TENM1: variants seen among roughly 807,000 people sequenced by gnomAD.
TENM1 encodes the protein teneurin transmembrane protein 1, also known as teneurin-1.
Under a neutral mutation model 174.8 loss-of-function variants are expected in TENM1, and 35 were observed. The observed-to-expected ratio is 0.20, with a 90% CI of 0.15 to 0.27. The LOEUF (loss-of-function observed/expected upper bound fraction) is 0.27. Ranked by LOEUF, TENM1 falls within the 10% of genes least tolerant of loss-of-function variation. The probability of loss-of-function intolerance (pLI) is 1.00; values close to 1 mark genes in which losing one functional copy is unlikely to be tolerated. For synonymous variants in TENM1, 781 were observed against 798.7 expected, an observed-to-expected ratio of 0.98 and a Z score of 0.37; for missense variants, 1,633 against 2,130.1, an observed-to-expected ratio of 0.77 and a Z score of 4.59.
chrX:124,379,197 G>A (rs2060130862), exon 32 of TENM1: 1 of 111,874 alleles, frequency 8.9e-6, no homozygotes, highest in Non-Finnish European at 1.9e-5. Flanking sequence ...AACCCGTCCT[G>A]GAAAATAGTT....
intron 3 of TENM1, among the ~76,000 whole-genome samples, chrX:124,761,803 C>T (rs1324911195): frequency 2.7e-5 from 3 of 111,302 alleles, no homozygotes; most frequent in South Asian, 3.8e-4. Flanking sequence ...ACAAATAGAC[C>T]TTAATTTAAA....
Position 124,534,647 on chromosome X carries a change from C to G in TENM1, c.2652-4664G>C, listed in dbSNP as rs776466161. Among the ~76,000 whole-genome samples, 3 of 111,825 alleles carry G rather than the reference C, an allele frequency of 2.7e-5. No individual in the cohort carries two copies. The East Asian group carries it at 8.5e-4, about 32-fold the overall frequency. On this transcript the variant is annotated intron_variant, in intron 15 of 31. Coordinates refer to ENST00000422452, the Ensembl canonical transcript of TENM1. ...GAAGGGTAACATTCAAAATCAAGGA[C>G]CTAGCCAGCAGGGGATCTAGCAGCA...
intron 3 of TENM1, among the ~76,000 whole-genome samples, chrX:124,798,521 C>G (rs181448395): frequency 1.8e-5 from 2 of 111,817 alleles, no homozygotes; most frequent in African/African-American, 3.2e-5. Flanking sequence ...ATCCTTCACC[C>G]TCTTTTTGAT....
the TENM1 span, among the ~76,000 whole-genome samples, chrX:124,978,190 T>TA: frequency 3.8e-3 from 404 of 105,975 alleles, 3 homozygotes; most frequent in African/African-American, 0.014. Context: ...AGTCTTTTCA[T>TA]AATTTCTACT....
chrX:124,660,280 CAGG>C (rs767714131), intron 6 of TENM1, among the ~76,000 whole-genome samples: 18 of 107,894 alleles, frequency 1.7e-4, no homozygotes, highest in Admixed American at 8.0e-4. Context: ...GAGGCTGAGG[CAGG>C]AGAATGGCGT....
the TENM1 span, among the ~76,000 whole-genome samples, chrX:125,066,516 C>G: frequency 1.8e-5 from 2 of 111,478 alleles, no homozygotes; most frequent in Admixed American, 1.9e-4. Context: ...GAGAGAATAC[C>G]AAGGTTATAT....
chrX:124,645,276 C>T (rs1334384832), exon 10 of TENM1: 14 of 1,211,540 alleles, frequency 1.2e-5, no homozygotes, highest in Non-Finnish European at 1.6e-5. Context: ...TCCAGCCATG[C>T]CGGCAGACAC....
intron 3 of TENM1, among the ~76,000 whole-genome samples, chrX:124,873,016 T>G (rs984728544): frequency 4.5e-5 from 5 of 111,697 alleles, no homozygotes. Flanking sequence ...GTTAAAGAAA[T>G]TTTAAATTTC....
chrX:124,994,576 T>C, the TENM1 span, among the ~76,000 whole-genome samples: 3 of 110,962 alleles, frequency 2.7e-5, no homozygotes, highest in Non-Finnish European at 5.7e-5. Flanking sequence ...TATAGTGTTC[T>C]TCATTTCAAG....
chrX:124,662,310 C>T (rs750116455), intron 6 of TENM1, among the ~76,000 whole-genome samples: 2 of 109,137 alleles, frequency 1.8e-5, no homozygotes, highest in African/African-American at 3.3e-5. Flanking sequence ...AAAAATTAGC[C>T]GGGCGTGGTG....
exon 4 of TENM1, chrX:124,737,101 G>A (rs1246113858): frequency 1.7e-6 from 2 of 1,211,005 alleles, no homozygotes; most frequent in African/African-American, 3.5e-5. Flanking sequence ...GTCCGCTGCA[G>A]GGGGTGGCTT....
chrX:124,392,003 T>C (rs2060286841), intron 28 of TENM1, 49 bp downstream of exon 31: 2 of 1,073,677 alleles, frequency 1.9e-6, no homozygotes, highest in South Asian at 2.2e-5. Flanking sequence ...CCATTTTCGA[T>C]AGTCTCATTC....
At chrX:125,032,724 C>T in the TENM1 span, among the ~76,000 whole-genome samples, 17 of 111,337 alleles carry the variant, frequency 1.5e-4, no homozygotes, top group Non-Finnish European at 1.9e-5. Context: ...CTGCCACTCT[C>T]CCATTTACTT....
chrX:125,060,179 T>TCA, the TENM1 span, among the ~76,000 whole-genome samples: 14 of 82,418 alleles, frequency 1.7e-4, no homozygotes, highest in Non-Finnish European at 1.9e-4. Flanking sequence ...TCTCTCTCTC[T>TCA]CTCACACACA....
chrX:125,006,860 A>G, the TENM1 span, among the ~76,000 whole-genome samples: 1 of 111,477 alleles, frequency 9.0e-6, no homozygotes, highest in African/African-American at 3.3e-5. Flanking sequence ...CAACAAAAAA[A>G]CCCATCCAAA....
chrX:125,057,383 T>C, the TENM1 span, among the ~76,000 whole-genome samples: 4 of 108,802 alleles, frequency 3.7e-5, no homozygotes, highest in Non-Finnish European at 1.9e-5. Context: ...CACACATTAC[T>C]GTATGTATTA....
chrX:124,863,801 C>T (rs1350712275), intron 3 of TENM1, among the ~76,000 whole-genome samples: 1 of 112,430 alleles, frequency 8.9e-6, no homozygotes, highest in Non-Finnish European at 1.9e-5. Context: ...TTGGGTAAAA[C>T]CAGTGTTGTG....
chrX:124,963,016 A>T (rs1204605108), intron 1 of TENM1, among the ~76,000 whole-genome samples: 1 of 111,852 alleles, frequency 8.9e-6, no homozygotes, highest in Non-Finnish European at 1.9e-5. Context: ...CTGCCCAAAG[A>T]ATATGCTCCA....
intron 6 of TENM1, among the ~76,000 whole-genome samples, chrX:124,668,773 A>G (rs2051842109): frequency 9.0e-6 from 1 of 111,650 alleles, no homozygotes; most frequent in Non-Finnish European, 1.9e-5. Context: ...TGGGTGCAGC[A>G]CAACAACATG....
Sources: gnomAD v4.1 joint callset for allele counts (sites outside exome capture counted in the v4.1 genomes callset) on GRCh38, gnomAD v4.1.1 for gene constraint, MANE v1.5 for transcripts, NCBI Gene and HGNC (gene_info 2026-07-23, HGNC 2026-07-21) for gene names.